Variants in LMNB1 observed in about 807,000 individuals in gnomAD.
The protein encoded by LMNB1 is lamin-B1.
A neutral mutation model predicts 67.1 loss-of-function variants in LMNB1; 23 were observed. The observed-to-expected ratio is 0.34, with a 90% CI of 0.25 to 0.49. LMNB1 has a LOEUF of 0.49. LMNB1 is among the 20% of genes least tolerant of loss of function. The pLI is 0.99. For synonymous variants in LMNB1, 281 were observed against 282.9 expected, an observed-to-expected ratio of 0.99 and a Z score of 0.07; for missense variants, 634 against 746.5, an observed-to-expected ratio of 0.85 and a Z score of 1.76.
intron 9 of LMNB1, among the ~76,000 whole-genome samples, chr5:126,830,288 G>A (rs1393589894): frequency 6.6e-6 from 1 of 152,176 alleles, no homozygotes; most frequent in Non-Finnish European, 1.5e-5. Context: ...CTCGCAGCAG[G>A]GGCGGACCAA....
intron 7 of LMNB1, among the ~76,000 whole-genome samples, chr5:126,821,909 A>G (rs1751878510): frequency 6.6e-6 from 1 of 152,150 alleles, no homozygotes; most frequent in Admixed American, 6.5e-5. Flanking sequence ...TATTAAAACT[A>G]TCTTGCATGT....
At chr5:126,792,305 G>T (rs12515255) in intron 1 of LMNB1, among the ~76,000 whole-genome samples, 8,410 of 151,690 alleles carry the variant, frequency 0.055, 259 homozygotes, top group Middle Eastern at 0.096. Context: ...ATTACGCCTG[G>T]CTAACTTTTG....
chr5:126,806,018 G>A (rs1013300993), intron 3 of LMNB1, among the ~76,000 whole-genome samples: 3 of 152,114 alleles, frequency 2.0e-5, no homozygotes, highest in Admixed American at 6.5e-5. Context: ...ACAGTGGCAC[G>A]ATCTCGGCTC....
At chr5:126,827,263 A>G (rs1201182886) in intron 9 of LMNB1, among the ~76,000 whole-genome samples, 2 of 152,208 alleles carry the variant, frequency 1.3e-5, no homozygotes, top group African/African-American at 4.8e-5. Flanking sequence ...AGCAGGAAAA[A>G]AGCCATACGT....
intron 3 of LMNB1, 66 bp from the exon 4 acceptor site, chr5:126,810,114 A>T: frequency 1.4e-6 from 2 of 1,446,778 alleles, no homozygotes; most frequent in Non-Finnish European, 9.5e-7. Flanking sequence ...CTGTGATGTC[A>T]CTCAGATGTG....
chr5:126,800,149 C>A (rs188960629), intron 1 of LMNB1, among the ~76,000 whole-genome samples: 1 of 152,114 alleles, frequency 6.6e-6, no homozygotes, highest in Non-Finnish European at 1.5e-5. Flanking sequence ...TATTGAGTAT[C>A]CCCACCCTAT....
At chr5:126,800,403 A>G (rs968650472) in intron 1 of LMNB1, among the ~76,000 whole-genome samples, 5 of 152,198 alleles carry the variant, frequency 3.3e-5, no homozygotes, top group African/African-American at 9.6e-5. Flanking sequence ...TTAGTTTCCA[A>G]TGGCAGTTGG....
chr5:126,832,654 T>C lies in LMNB1; in HGVS notation c.1612-40T>C, dbSNP rs750661696. On this transcript the variant is annotated intron_variant, in intron 9 of 10. Transcript: ENST00000261366. ...GTCCCTCTCCCCCGCATTTGGTGAT[T>C]TTAAGTGTGTTTTTTAACTTAAACT... 5 of 1,451,352 alleles carry C rather than the reference T, an allele frequency of 3.4e-6. No individual in the cohort carries two copies. In the South Asian group the frequency reaches 4.6e-5, roughly 13 times the overall value. 89.9% of individuals were successfully genotyped at this position (1,451,352 alleles called of 1,614,324 possible).
chr5:126,827,666 C>T (rs1486106553), intron 9 of LMNB1, among the ~76,000 whole-genome samples: 4 of 152,106 alleles, frequency 2.6e-5, no homozygotes. Flanking sequence ...AATAAAGTTA[C>T]AGGACTCGCT....
In LMNB1 at chr5:126,779,837, C is replaced by G. The variant is rs538933621; in HGVS notation, c.359+1970C>G. 2.7e-4 allele frequency among the ~76,000 whole-genome samples: 41 copies of G among 152,296 alleles called. 2 individuals are homozygous for G. In the South Asian group the frequency reaches 8.5e-3, roughly 32 times the overall value. On this transcript the variant is annotated intron_variant, in intron 1 of 10. Transcript: ENST00000261366. The stretch of plus-strand genomic sequence containing the variant: ...CACGAGGTCAGGAGATCGAGGCCAT[C>G]CTGGCTAACAAGGTGAAACCCCGTC...
intron 1 of LMNB1, among the ~76,000 whole-genome samples, chr5:126,801,893 G>A (rs912136927): frequency 2.0e-5 from 3 of 152,152 alleles, no homozygotes; most frequent in Non-Finnish European, 4.4e-5. Flanking sequence ...TGTAAGTATT[G>A]TGTAATACTG....
At chr5:126,805,258 C>A (rs1751388069) in intron 2 of LMNB1, among the ~76,000 whole-genome samples, 1 of 152,174 alleles carries the variant, frequency 6.6e-6, no homozygotes, top group South Asian at 2.1e-4. Flanking sequence ...AAATGCTGCT[C>A]TCCACACAGG....
chr5:126,798,451 A>T (rs1309259036), intron 1 of LMNB1, among the ~76,000 whole-genome samples: 1 of 152,188 alleles, frequency 6.6e-6, no homozygotes, highest in Admixed American at 6.5e-5. Flanking sequence ...CTCTGTCTCA[A>T]AACAAACAAA....
intron 10 of LMNB1, among the ~76,000 whole-genome samples, chr5:126,834,793 G>A (rs1041450567): frequency 3.3e-5 from 5 of 152,222 alleles, no homozygotes; most frequent in South Asian, 2.1e-4. Flanking sequence ...GGAGAATGGC[G>A]TGAACCCGGG....
At chr5:126,798,762 A>AGTGTGTGT (rs71665643) in intron 1 of LMNB1, among the ~76,000 whole-genome samples, 6,308 of 149,082 alleles carry the variant, frequency 0.042, 167 homozygotes, top group South Asian at 0.11. Flanking sequence ...AAAAAAGAGA[A>AGTGTGTGT]GTGTGTGTGT....
chr5:126,821,158 T>A, intron 7 of LMNB1, 23 bp downstream of exon 7: 1 of 1,504,262 alleles, frequency 6.6e-7, no homozygotes, highest in Non-Finnish European at 9.3e-7. Flanking sequence ...ACCCTTTTTT[T>A]TCTAGCAAGG....
intron 2 of LMNB1, among the ~76,000 whole-genome samples, 157 bp from the exon 3 acceptor site, chr5:126,805,414 T>C (rs181119627): frequency 3.3e-3 from 500 of 152,372 alleles, no homozygotes; most frequent in Non-Finnish European, 5.0e-3. Flanking sequence ...AGCAAATGAA[T>C]ACCCAGTTCT....
chr5:126,805,955 T>G (rs1751409588), intron 3 of LMNB1, among the ~76,000 whole-genome samples: 1 of 152,128 alleles, frequency 6.6e-6, no homozygotes, highest in South Asian at 2.1e-4. Context: ...TATTTTTGTT[T>G]TTTTGTTTTT....
intron 1 of LMNB1, among the ~76,000 whole-genome samples, chr5:126,782,598 G>A (rs1480174042): frequency 6.6e-6 from 1 of 152,046 alleles, no homozygotes; most frequent in Non-Finnish European, 1.5e-5. Context: ...TGCCCAGGCT[G>A]GAGTGCAGTG....
Sources: gnomAD v4.1 joint callset for allele counts (sites outside exome capture counted in the v4.1 genomes callset) on GRCh38, gnomAD v4.1.1 for gene constraint, MANE v1.5 for transcripts, NCBI Gene and HGNC (gene_info 2026-07-23, HGNC 2026-07-21) for gene names.